The following TOM1L1 variants were observed in gnomAD, a reference collection of about 807,000 sequenced individuals.
TOM1L1 encodes the protein target of myb1 like 1 membrane trafficking protein, also known as TOM1-like protein 1.
In TOM1L1, 64 loss-of-function variants were observed where a neutral mutation model predicts 63.4. The observed-to-expected ratio is 1.01, with a 90% CI of 0.83 to 1.24. The LOEUF is 1.24. Among genes scored for constraint, TOM1L1 ranks in the 50% most tolerant of loss-of-function variants. The probability of loss-of-function intolerance (pLI) is 0.00; values close to 1 mark genes in which losing one functional copy is unlikely to be tolerated. For missense variants in TOM1L1, 536 were observed against 567.0 expected (o/e 0.95, Z 0.55); for synonymous variants, 166 against 194.4 (o/e 0.85, Z 1.22).
In TOM1L1 at chr17:54,900,897, A is replaced by G. The variant is rs759634869; in HGVS notation, c.32A>G (p.Tyr11Cys). Reference sequence around the variant, plus strand: ...TTTGGCAAGAGTCACCGGGATCCCTACGCGACCTCCGTGGGCCACCTCATA... The same window carrying G: ...TTTGGCAAGAGTCACCGGGATCCCTGCGCGACCTCCGTGGGCCACCTCATA... MAFGKSHRDP[Y>C]ATSVGHLIEK... The change falls in exon 1 of 16, where the codon TAC becomes TGC. Residue 11 changes from tyrosine (Y) to cysteine (C), a missense_variant. Tyr to Cys is a radical substitution (Grantham distance 194). Coordinates refer to ENST00000575882, the MANE Select transcript of TOM1L1 (RefSeq NM_005486.3). The G allele has an allele frequency of 1.2e-6, 2 of 1,613,808 alleles. No individual in the cohort carries two copies. The highest frequency in any genetic ancestry group is 1.1e-5 in the South Asian group (1 of 91,072).
At chr17:54,938,838 C>CTTTTTTTTT in intron 10 of TOM1L1, 86 bp from the exon 11 acceptor site, 2 of 574,824 alleles carry the variant, frequency 3.5e-6, no homozygotes, top group Non-Finnish European at 2.8e-6. Context: ...TTTCTTTTTT[C>CTTTTTTTTT]TTTTTTTTTG....
chr17:54,956,249 G>A (rs2049497196), intron 14 of TOM1L1, among the ~76,000 whole-genome samples: 1 of 152,172 alleles, frequency 6.6e-6, no homozygotes, highest in African/African-American at 2.4e-5. Flanking sequence ...GGTTGAAGCA[G>A]TCCTCCCTAC....
At chr17:54,920,985 T>C (rs984041722) in intron 7 of TOM1L1, among the ~76,000 whole-genome samples, 3 of 152,042 alleles carry the variant, frequency 2.0e-5, no homozygotes, top group Non-Finnish European at 4.4e-5. Flanking sequence ...TCTCGCTTTG[T>C]GGGGCTGAGG....
intron 10 of TOM1L1, chr17:54,937,585 A>C (rs1289089688): frequency 5.2e-6 from 1 of 191,004 alleles, no homozygotes; most frequent in East Asian, 1.4e-4. Context: ...CAGGTAAGGG[A>C]GTATCTCTGA....
intron 8 of TOM1L1, 116 bp from the exon 9 acceptor site, chr17:54,936,533 T>G: frequency 1.2e-6 from 1 of 836,818 alleles, no homozygotes; most frequent in Admixed American, 3.1e-5. Context: ...GATAATTGTG[T>G]GAGGATGAGG....
intron 7 of TOM1L1, 48 bp from the exon 8 acceptor site, chr17:54,930,025 A>G (rs530964287): frequency 1.7e-5 from 27 of 1,611,660 alleles, no homozygotes; most frequent in East Asian, 1.3e-4. Flanking sequence ...ATGTCTTTAT[A>G]GAATGTTCCA....
At chr17:54,913,968 AGC>A in intron 5 of TOM1L1, 95 bp downstream of exon 5, 1 of 1,380,274 alleles carries the variant, frequency 7.2e-7, no homozygotes, top group Non-Finnish European at 9.6e-7. Context: ...ACCCAGCTTA[AGC>A]AAAAAGATGA....
At chr17:54,959,114 T>A (rs2077040253) in intron 14 of TOM1L1, 2 of 152,148 alleles carry the variant, frequency 1.3e-5, no homozygotes, top group Non-Finnish European at 1.5e-5. Flanking sequence ...AAGACTGAAA[T>A]CGTTTTGAGG....
intron 7 of TOM1L1, among the ~76,000 whole-genome samples, chr17:54,920,154 G>T (rs1242343907): frequency 6.6e-6 from 1 of 152,094 alleles, no homozygotes; most frequent in East Asian, 1.9e-4. Context: ...TCCCTGGTTG[G>T]CTGCCCCCTT....
At chr17:54,920,790 A>G (rs886877879) in intron 7 of TOM1L1, among the ~76,000 whole-genome samples, 1 of 152,252 alleles carries the variant, frequency 6.6e-6, no homozygotes, top group Non-Finnish European at 1.5e-5. Flanking sequence ...GGTTTCCAAA[A>G]GAATCTAGGA....
chr17:54,944,249 A>G (rs559612081), intron 11 of TOM1L1, among the ~76,000 whole-genome samples: 18 of 151,644 alleles, frequency 1.2e-4, no homozygotes, highest in African/African-American at 4.4e-4. Flanking sequence ...GGAGTTTGAG[A>G]CCAGCGTGGC....
rs1251332189 is a variant in TOM1L1 at position 54,938,990 on chromosome 17, T to TG, written c.1101dup (p.Leu368AlafsTer26). ...CCCAGTCTTCATCCACAGATGAACTTGCTAGCCTTGGAGAATACAGAGATA... is the reference window on the plus strand; with the variant it reads ...CCCAGTCTTCATCCACAGATGAACTTGGCTAGCCTTGGAGAATACAGAGATA... On this transcript the variant is annotated frameshift_variant, in exon 11 of 16. Transcript: ENST00000575882. LOFTEE classifies it high-confidence loss of function. 1.4e-5 allele frequency: 23 copies of TG among 1,612,226 alleles called. No homozygotes were observed. The Admixed American group carries it at 3.8e-4, about 27-fold the overall frequency.
intron 14 of TOM1L1, among the ~76,000 whole-genome samples, chr17:54,955,671 C>T (rs1340963027): frequency 3.3e-5 from 5 of 152,014 alleles, no homozygotes; most frequent in South Asian, 2.1e-4. Flanking sequence ...CTTGTTAAAA[C>T]GATGGCGATG....
Position 54,913,873 on chromosome 17 carries a change from G to A in TOM1L1, c.498G>A (p.Glu166=). ...SEAEAETARQ[E]TAQISSNPPT... ...CAGAGGCTGAAACAGCAAGACAAGA[G>A]GTAGGAGGCCTTTCTTTGACCCATG... The change falls in exon 5 of 16, where the codon GAG becomes GAA. Residue 166 remains glutamate, a splice_region_variant and synonymous_variant. Coordinates refer to ENST00000575882, the MANE Select transcript of TOM1L1 (RefSeq NM_005486.3). 1 of 1,605,710 alleles carries A rather than the reference G, an allele frequency of 6.2e-7. No homozygotes were observed. Among genetic ancestry groups the A allele is most frequent in the South Asian group, 1.1e-5 (1 of 90,902 alleles).
chr17:54,948,489 G>C (rs1370511394), intron 12 of TOM1L1, among the ~76,000 whole-genome samples: 1 of 152,092 alleles, frequency 6.6e-6, no homozygotes, highest in Non-Finnish European at 1.5e-5. Flanking sequence ...CTGTGAACTT[G>C]TGTCCTCTCC....
intron 14 of TOM1L1, chr17:54,955,059 T>C (rs554729360): frequency 6.6e-6 from 1 of 152,188 alleles, no homozygotes; most frequent in East Asian, 1.9e-4. Flanking sequence ...CAAGACCTAG[T>C]TCACGACATT....
At chr17:54,938,184 G>A (rs1025159139) in intron 10 of TOM1L1, among the ~76,000 whole-genome samples, 2 of 151,974 alleles carry the variant, frequency 1.3e-5, no homozygotes, top group South Asian at 4.2e-4. Context: ...TTCCCTTTGG[G>A]GTATCTCACT....
intron 7 of TOM1L1, among the ~76,000 whole-genome samples, chr17:54,928,346 G>T (rs553813486): frequency 1.9e-4 from 28 of 148,582 alleles, no homozygotes; most frequent in African/African-American, 6.5e-4. Flanking sequence ...TGTTCTCCTT[G>T]TATTATAGAT....
intron 10 of TOM1L1, chr17:54,937,518 A>G (rs1003298588): frequency 8.2e-6 from 3 of 364,972 alleles, no homozygotes; most frequent in Non-Finnish European, 1.5e-5. Context: ...CAATACTTAA[A>G]GTCTACTGTG....
Sources: gnomAD v4.1 joint callset for allele counts (sites outside exome capture counted in the v4.1 genomes callset) on GRCh38, gnomAD v4.1.1 for gene constraint, MANE v1.5 for transcripts, NCBI Gene and HGNC (gene_info 2026-07-23, HGNC 2026-07-21) for gene names.